Variants in SEMA6C observed in about 807,000 individuals in gnomAD.
The protein encoded by SEMA6C is semaphorin 6C, also known as semaphorin-6C.
In SEMA6C, 37 loss-of-function variants were observed where a neutral mutation model predicts 72.9. That is an observed-to-expected ratio of 0.51 (90% confidence interval 0.39 to 0.67). The LOEUF (loss-of-function observed/expected upper bound fraction) is 0.67, where lower values mean the gene tolerates loss of function less well. Ranked by LOEUF, SEMA6C falls within the 30% of genes least tolerant of loss-of-function variation. The pLI is 0.00. For missense variants in SEMA6C, 1,189 were observed against 1,263.6 expected, an observed-to-expected ratio of 0.94 and a Z score of 0.89; for synonymous variants, 578 against 554.1, an observed-to-expected ratio of 1.04 and a Z score of -0.61.
intron 3 of SEMA6C, among the ~76,000 whole-genome samples, 179 bp downstream of exon 3, chr1:151,142,325 C>T (rs587760568): frequency 9.2e-5 from 14 of 152,214 alleles, no homozygotes; most frequent in African/African-American, 3.4e-4. Context: ...GAAACCAGGC[C>T]CAGGGATGAG....
intron 3 of SEMA6C, among the ~76,000 whole-genome samples, chr1:151,140,682 G>A (rs1203646978): frequency 2.0e-5 from 3 of 152,158 alleles, no homozygotes; most frequent in Non-Finnish European, 2.9e-5. Context: ...CAGAGTTCAG[G>A]GATAAATGAT....
intron 18 of SEMA6C, chr1:151,134,119 G>A: frequency 5.7e-6 from 7 of 1,238,926 alleles, no homozygotes; most frequent in East Asian, 2.5e-5. Context: ...CACCCTTCCA[G>A]GGGTCCTTCC....
intron 18 of SEMA6C, chr1:151,134,080 C>T (rs1681811326): frequency 7.6e-6 from 11 of 1,451,644 alleles, no homozygotes; most frequent in Non-Finnish European, 1.0e-5. Flanking sequence ...CAGGTCAGAG[C>T]CAGTGAGGCT....
rs138484402 is a variant in SEMA6C, at chr1:151,142,548, G to T, written c.74C>A (p.Ala25Asp). Residue 25 changes from alanine to aspartate, a missense_variant, in exon 3 of 19, where the codon GCC becomes GAC. Physicochemically the swap from Ala to Asp is moderately radical, Grantham distance 126. Around this residue, in one of 2 missense-constraint regions of SEMA6C, gnomAD observed 468 missense variants for 577.4 expected, o/e 0.81. Transcript: ENST00000368914. ...CAGAGGGAGGGGGTCCTGGGGAAAG[G>T]CGGCCTGAGTATGGGGAAGTGAGAG... Reference protein sequence around the residue: ...LLLSLPHTQAAFPQDPLPLLI... With the variant: ...LLLSLPHTQADFPQDPLPLLI... 3.1e-6 allele frequency: 5 copies of T among 1,612,586 alleles called. No homozygotes were observed. The African/African-American group carries it at 5.3e-5, about 17-fold the overall frequency.
In SEMA6C at chr1:151,133,607, A is replaced by G; in HGVS notation, c.1760-90T>C. Reference sequence around the variant, plus strand: ...GAGGCGCCGGCAGTTCCCAGGCCTGACATCATCGTCCCTCCCGCTGCTACT... The same window carrying G: ...GAGGCGCCGGCAGTTCCCAGGCCTGGCATCATCGTCCCTCCCGCTGCTACT... On this transcript the variant is annotated intron_variant, in intron 18 of 18. Transcript: ENST00000368914. The surrounding 1 kb of genome is among the most constrained non-coding windows in gnomAD (Gnocchi z 5.9). 1 of 1,434,014 alleles carries G rather than the reference A, an allele frequency of 7.0e-7. No homozygotes were observed. The highest frequency in any genetic ancestry group is 9.1e-7 in the Non-Finnish European group (1 of 1,098,858). 88.8% of individuals were successfully genotyped at this position (1,434,014 alleles called of 1,614,324 possible).
intron 14 of SEMA6C, 103 bp from the exon 15 acceptor site, chr1:151,135,412 C>T: frequency 2.0e-6 from 3 of 1,505,882 alleles, no homozygotes; most frequent in Non-Finnish European, 2.7e-6. Flanking sequence ...CAACTGAGCA[C>T]AACCCATGGA....
chr1:151,132,267 GAGGAGA>G lies in SEMA6C; in HGVS notation c.*211_*216del. ...GCTCCCCCTGAAATGCTGGCTCACT[GAGGAGA>G]CGGGCTTCTCACCTCCCACTCTTCT... is the stretch of plus-strand genomic sequence containing the variant. On this transcript the variant is annotated 3_prime_UTR_variant, in exon 19 of 19. Transcript: ENST00000368914. 6.5e-7 allele frequency: 1 copy of G among 1,529,228 alleles called. No individual in the cohort carries two copies. Among genetic ancestry groups the G allele is most frequent in the Non-Finnish European group, 8.8e-7 (1 of 1,142,784 alleles). The allele number at this position is 1,529,228 out of a possible 1,614,324, so 94.7% of individuals were successfully genotyped here.
At position 151,133,023 on chromosome 1, in the gene SEMA6C, G is replaced by T; in HGVS notation, c.2254C>A (p.Pro752Thr). 7.1e-7 allele frequency: 1 copy of T among 1,404,518 alleles called. No homozygotes were observed. Among genetic ancestry groups the T allele is most frequent in the Non-Finnish European group, 9.2e-7 (1 of 1,081,170 alleles). 87.0% of individuals were successfully genotyped at this position (1,404,518 alleles called of 1,614,324 possible). A position where few individuals can be genotyped will look rare whatever the true frequency, so the allele number is the denominator to read the frequency against. Residue 752 changes from proline (P) to threonine (T), a missense_variant, in exon 19 of 19, where the codon CCA (proline) becomes ACA (threonine). By Grantham distance (38) the Pro-to-Thr change is conservative. This residue lies in a region of SEMA6C where 721 missense variants were observed against 686.2 expected (regional missense o/e 1.05). Coordinates refer to ENST00000368914, the MANE Select transcript of SEMA6C (RefSeq NM_030913.6). This position sits in a 1 kb window ranked among gnomAD's most constrained non-coding sequence, Gnocchi z 5.9. Reference sequence around the variant, plus strand: ...TGCCCGGGACAGCCGGGCGGCGGTGGCCTCACCAGCACGCGGGGCGCGGGC... The same window carrying T: ...TGCCCGGGACAGCCGGGCGGCGGTGTCCTCACCAGCACGCGGGGCGCGGGC... ...GGPAPRVLVR[P>T]PPPGCPGQAV...
At position 151,132,729 on chromosome 1, in the gene SEMA6C, GGCCTCCGCCGAC is replaced by G. The variant is rs1558175598; in HGVS notation, c.2536_2547del (p.Val846_Gly849del). 33 of 1,467,166 alleles carry G rather than the reference GGCCTCCGCCGAC, an allele frequency of 2.2e-5. No homozygotes were observed. Among genetic ancestry groups the G allele is most frequent in the Non-Finnish European group, 2.7e-5 (30 of 1,109,252 alleles). 90.9% of individuals were successfully genotyped at this position (1,467,166 alleles called of 1,614,324 possible). On this transcript the variant is annotated inframe_deletion, in exon 19 of 19. Transcript: ENST00000368914. ...CGGTGGCCGGAGAAAGGCAACCTCC[GGCCTCCGCCGAC>G]GCCCAGCCGGGGAGCGGGGGCGGAG...
rs746162827 is a variant in SEMA6C at position 151,133,111 on chromosome 1, G to A, written c.2166C>T (p.Asn722=). 1.9e-6 allele frequency: 3 copies of A among 1,567,422 alleles called. No individual in the cohort carries two copies. Among genetic ancestry groups the A allele is most frequent in the Non-Finnish European group, 2.6e-6 (3 of 1,168,022 alleles). Residue 722 remains asparagine (N), a synonymous_variant, in exon 19 of 19, where the codon AAC becomes AAT. Coordinates refer to ENST00000368914, the MANE Select transcript of SEMA6C (RefSeq NM_030913.6). This position sits in a 1 kb window ranked among gnomAD's most constrained non-coding sequence, Gnocchi z 5.9. The part of the protein sequence containing the change: ...LRAAGDPWEW[N]QNRNNAKEGP... Reference sequence around the variant, plus strand: ...CCTCCTTGGCGTTGTTCCTGTTCTGGTTCCACTCCCAGGGGTCCCCGGCGG... The same window carrying A: ...CCTCCTTGGCGTTGTTCCTGTTCTGATTCCACTCCCAGGGGTCCCCGGCGG...
rs2101637536 is a variant in SEMA6C at position 151,139,688 on chromosome 1, A to C, written c.247T>G (p.Ser83Ala). 1 of 1,603,800 alleles carries C rather than the reference A, an allele frequency of 6.2e-7. No individual in the cohort carries two copies. The highest frequency in any genetic ancestry group is 2.2e-5 in the East Asian group (1 of 44,658). Residue 83 changes from serine (S) to alanine (A), a missense_variant, in exon 5 of 19, where the codon TCC becomes GCC. Transcript: ENST00000368914. ...LLVAARDHVF[S>A]FDLQAEEEGE... ...TCTTCTTCGGCTTGAAGATCGAAGG[A>C]GAAAACGTGATCCCTGAGGGGGTAG...
At chr1:151,135,466 G>A in intron 14 of SEMA6C, 125 bp downstream of exon 14, 1 of 1,451,142 alleles carries the variant, frequency 6.9e-7, no homozygotes, top group South Asian at 1.3e-5. Context: ...CGCCAAGCCT[G>A]TCTAGCCCAG....
intron 3 of SEMA6C, 77 bp from the exon 4 acceptor site, chr1:151,140,167 G>T: frequency 1.7e-6 from 2 of 1,173,558 alleles, no homozygotes; most frequent in Non-Finnish European, 2.5e-6. Context: ...ATGAAACCCA[G>T]CAGTGGACAC....
At position 151,133,666 on chromosome 1, in the gene SEMA6C, G is replaced by C; in HGVS notation, c.1760-149C>G. 7.6e-7 allele frequency: 1 copy of C among 1,323,494 alleles called. No homozygotes were observed. The highest frequency in any genetic ancestry group is 1.6e-5 in the South Asian group (1 of 64,272). 82.0% of individuals were successfully genotyped at this position (1,323,494 alleles called of 1,614,324 possible). A position where few individuals can be genotyped will look rare whatever the true frequency, so the allele number is the denominator to read the frequency against. ...CTCCTACAGCCTCCACCATCCTCAGGATTCACCTCTCCTGACTCCTCAGCA... is the reference window on the plus strand; with the variant it reads ...CTCCTACAGCCTCCACCATCCTCAGCATTCACCTCTCCTGACTCCTCAGCA... On this transcript the variant is annotated intron_variant, in intron 18 of 18. Transcript: ENST00000368914. The surrounding 1 kb of genome is among the most constrained non-coding windows in gnomAD (Gnocchi z 5.9).
At position 151,133,630 on chromosome 1, in the gene SEMA6C, ACTCAGCCTCACTC is replaced by A. The variant is rs1413693292; in HGVS notation, c.1760-126_1760-114del. On this transcript the variant is annotated intron_variant, in intron 18 of 18. Transcript: ENST00000368914. This position sits in a 1 kb window ranked among gnomAD's most constrained non-coding sequence, Gnocchi z 5.9. ...TGACATCATCGTCCCTCCCGCTGCT[ACTCAGCCTCACTC>A]CTACAGCCTCCACCATCCTCAGGAT... is the stretch of plus-strand genomic sequence containing the variant. The A allele has an allele frequency of 6.3e-5, 89 of 1,416,632 alleles. No homozygotes were observed. The South Asian group carries it at 1.3e-3, about 20-fold the overall frequency. 87.8% of individuals were successfully genotyped at this position (1,416,632 alleles called of 1,614,324 possible).
chr1:151,133,033 C>A lies in SEMA6C; in HGVS notation c.2244G>T (p.Val748=). The change falls in exon 19 of 19, where the codon GTG becomes GTT. Residue 748 remains valine, a synonymous_variant. Transcript: ENST00000368914. The surrounding 1 kb of genome is among the most constrained non-coding windows in gnomAD (Gnocchi z 5.9). ...GHAAGGPAPR[V]LVRPPPPGCP... ...AGCCGGGCGGCGGTGGCCTCACCAG[C>A]ACGCGGGGCGCGGGCCCGCCCGCCG... is the stretch of plus-strand genomic sequence containing the variant. The A allele has an allele frequency of 1.4e-6, 2 of 1,394,966 alleles. No individual in the cohort carries two copies. The highest frequency in any genetic ancestry group is 1.4e-5 in the South Asian group (1 of 72,196). The allele number at this position is 1,394,966 out of a possible 1,614,324, so 86.4% of individuals were successfully genotyped here. A position where few individuals can be genotyped will look rare whatever the true frequency, so the allele number is the denominator to read the frequency against.
Position 151,135,300 on chromosome 1 carries a change from C to A in SEMA6C, c.1443G>T (p.Gly481=). The A allele has an allele frequency of 2.5e-6, 4 of 1,613,650 alleles. No individual in the cohort carries two copies. The highest frequency in any genetic ancestry group is 3.4e-6 in the Non-Finnish European group (4 of 1,179,732). Residue 481 remains glycine (G), a synonymous_variant, in exon 15 of 19, where the codon GGG becomes GGT. Transcript: ENST00000368914. ...GTCGTGCTGTTTGGGCTGTCCGCTT[C>A]CCACTGCACCTAGGGTGAGGCCAGA... ...IDAYSPARCS[G]KRTAQTARRI...
Position 151,139,686 on chromosome 1 carries a change from G to A in SEMA6C, c.249C>T (p.Ser83=), listed in dbSNP as rs1682368004. The A allele has an allele frequency of 1.9e-6, 3 of 1,604,328 alleles. No homozygotes were observed. The highest frequency in any genetic ancestry group is 1.7e-6 in the Non-Finnish European group (2 of 1,173,144). Residue 83 remains serine, a synonymous_variant, in exon 5 of 19, where the codon TCC becomes TCT. Coordinates refer to ENST00000368914, the MANE Select transcript of SEMA6C (RefSeq NM_030913.6). ...LLVAARDHVF[S]FDLQAEEEGE... ...CTTCTTCTTCGGCTTGAAGATCGAAGGAGAAAACGTGATCCCTGAGGGGGT... is the reference window on the plus strand; with the variant it reads ...CTTCTTCTTCGGCTTGAAGATCGAAAGAGAAAACGTGATCCCTGAGGGGGT...
Position 151,142,500 on chromosome 1 carries a change from T to G in SEMA6C, c.118+4A>C. 6.2e-7 allele frequency: 1 copy of G among 1,613,314 alleles called. No homozygotes were observed. Among genetic ancestry groups the G allele is most frequent in the South Asian group, 1.1e-5 (1 of 90,824 alleles). On this transcript the variant is annotated splice_donor_region_variant and intron_variant, in intron 3 of 18. Coordinates refer to ENST00000368914, the MANE Select transcript of SEMA6C (RefSeq NM_030913.6). ...ATGGGGCAAGGTAGGTACTGGGCACTCACCTTGAAGGTCAGAGATCAACAG... is the reference window on the plus strand; with the variant it reads ...ATGGGGCAAGGTAGGTACTGGGCACGCACCTTGAAGGTCAGAGATCAACAG...
Sources: gnomAD v4.1 joint callset for allele counts (sites outside exome capture counted in the v4.1 genomes callset) on GRCh38, gnomAD v4.1.1 for gene constraint, gnomAD v4.1.1 regional missense constraint, Gnocchi (gnomAD v3.1) non-coding constraint, MANE v1.5 for transcripts, NCBI Gene and HGNC (gene_info 2026-07-23, HGNC 2026-07-21) for gene names.